The following BCKDHB variants were observed in gnomAD, a reference collection of about 807,000 sequenced individuals.
BCKDHB encodes 2-oxoisovalerate dehydrogenase subunit beta, mitochondrial.
In BCKDHB, 41 loss-of-function variants were observed where a neutral mutation model predicts 48.5. That is an observed-to-expected ratio of 0.85 (90% confidence interval 0.66 to 1.10). The LOEUF is 1.10. Ranked by LOEUF, BCKDHB falls within the 50% of genes least tolerant of loss-of-function variation. The pLI, the probability that BCKDHB is intolerant of heterozygous loss-of-function variation, is 0.00. For missense variants in BCKDHB, 496 were observed against 494.2 expected (o/e 1.00, Z -0.03); for synonymous variants, 201 against 174.8 (o/e 1.15, Z -1.18).
intron 8 of BCKDHB, among the ~76,000 whole-genome samples, chr6:80,228,286 A>G (rs1775764396): frequency 6.6e-6 from 1 of 152,218 alleles, no homozygotes; most frequent in Non-Finnish European, 1.5e-5. Flanking sequence ...TAAAACCAAA[A>G]AACTCCAGTG....
the BCKDHB span, among the ~76,000 whole-genome samples, chr6:80,394,600 G>A: frequency 6.6e-6 from 1 of 152,150 alleles, no homozygotes; most frequent in South Asian, 2.1e-4. Flanking sequence ...TGGGAACTCT[G>A]TGTGTGGTGT....
At chr6:80,342,362 G>A (rs1328472182) in intron 9 of BCKDHB, among the ~76,000 whole-genome samples, 4 of 151,916 alleles carry the variant, frequency 2.6e-5, no homozygotes, top group Non-Finnish European at 5.9e-5. Flanking sequence ...AATGTTAAAA[G>A]TAATATTATT....
intron 9 of BCKDHB, among the ~76,000 whole-genome samples, chr6:80,274,889 G>A (rs1478277421): frequency 6.6e-6 from 1 of 151,706 alleles, no homozygotes; most frequent in African/African-American, 2.4e-5. Context: ...TGTCTCTCAG[G>A]CCCCAAGAAT....
the BCKDHB span, among the ~76,000 whole-genome samples, chr6:80,402,808 A>AT: frequency 1.3e-5 from 2 of 151,742 alleles, no homozygotes; most frequent in Non-Finnish European, 3.0e-5. Flanking sequence ...ATTCAATTTT[A>AT]TTTTTTTGCA....
chr6:80,342,456 C>T (rs1335055895), intron 9 of BCKDHB, among the ~76,000 whole-genome samples: 1 of 148,858 alleles, frequency 6.7e-6, no homozygotes, highest in Non-Finnish European at 1.5e-5. Flanking sequence ...CTTGGGGACT[C>T]ACACCTGTAA....
chr6:80,167,807 A>T lies in BCKDHB; in HGVS notation c.473A>T (p.Asp158Val). Residue 158 changes from aspartate (D) to valine (V), a missense_variant, in exon 4 of 10, where the codon GAT becomes GTT. Physicochemically the swap from Asp to Val is radical, Grantham distance 152. Coordinates refer to ENST00000320393, the MANE Select transcript of BCKDHB (RefSeq NM_183050.4). ...GCAGATTATATTTTCCCTGCATTTGATCAGGTAAGTGAATGAACATTTCTA... is the reference window on the plus strand; with the variant it reads ...GCAGATTATATTTTCCCTGCATTTGTTCAGGTAAGTGAATGAACATTTCTA... ...QFADYIFPAF[D>V]QIVNEAAKYR... The T allele has an allele frequency of 6.2e-7, 1 of 1,613,670 alleles. No individual in the cohort carries two copies. The highest frequency in any genetic ancestry group is 8.5e-7 in the Non-Finnish European group (1 of 1,179,772).
intron 9 of BCKDHB, among the ~76,000 whole-genome samples, chr6:80,284,144 G>T (rs375262346): frequency 2.6e-5 from 4 of 152,134 alleles, no homozygotes; most frequent in East Asian, 3.9e-4. Flanking sequence ...CTCAGTTTGT[G>T]TTTTGTTATG....
chr6:80,324,219 A>G (rs1275060743), intron 9 of BCKDHB, among the ~76,000 whole-genome samples: 2 of 152,200 alleles, frequency 1.3e-5, no homozygotes, highest in African/African-American at 4.8e-5. Flanking sequence ...CTGGTTATCC[A>G]TTACAATTTC....
At chr6:80,138,628 A>C (rs1771019363) in intron 3 of BCKDHB, among the ~76,000 whole-genome samples, 1 of 152,108 alleles carries the variant, frequency 6.6e-6, no homozygotes, top group Non-Finnish European at 1.5e-5. Context: ...TGAACTCATC[A>C]TTTTTTATGG....
the BCKDHB span, among the ~76,000 whole-genome samples, chr6:80,438,256 A>G: frequency 6.6e-6 from 1 of 152,218 alleles, no homozygotes; most frequent in East Asian, 1.9e-4. Context: ...TTTTGTTCTT[A>G]CTACATCCTA....
chr6:80,216,601 T>A (rs1252483969), intron 8 of BCKDHB, among the ~76,000 whole-genome samples: 1 of 152,216 alleles, frequency 6.6e-6, no homozygotes. Flanking sequence ...TTGTTTAAAC[T>A]GTTTGCTTTC....
the BCKDHB span, among the ~76,000 whole-genome samples, chr6:80,359,913 CTG>C: frequency 6.6e-6 from 1 of 152,056 alleles, no homozygotes; most frequent in Non-Finnish European, 1.5e-5. Flanking sequence ...AAATAGAAGA[CTG>C]TATATTTCTT....
chr6:80,264,425 A>G (rs1003501979), intron 8 of BCKDHB, among the ~76,000 whole-genome samples: 1 of 152,166 alleles, frequency 6.6e-6, no homozygotes, highest in African/African-American at 2.4e-5. Context: ...TTTATCTCCT[A>G]ATTACTGGCA....
chr6:80,133,255 A>C (rs1017395802), intron 3 of BCKDHB, among the ~76,000 whole-genome samples: 1 of 152,214 alleles, frequency 6.6e-6, no homozygotes, highest in East Asian at 1.9e-4. Flanking sequence ...TTACTGACAT[A>C]CGTTGTAAAG....
At chr6:80,121,878 C>T (rs1254554430) in intron 1 of BCKDHB, among the ~76,000 whole-genome samples, 1 of 152,176 alleles carries the variant, frequency 6.6e-6, no homozygotes, top group Non-Finnish European at 1.5e-5. Context: ...GCTAGAACTT[C>T]CAACACTATG....
At chr6:80,219,247 A>T (rs986892360) in intron 8 of BCKDHB, among the ~76,000 whole-genome samples, 6 of 149,418 alleles carry the variant, frequency 4.0e-5, no homozygotes, top group African/African-American at 1.5e-4. Flanking sequence ...TGCTCTTGTC[A>T]CGCAGGCTGG....
chr6:80,191,446 C>T (rs533884753), intron 6 of BCKDHB, among the ~76,000 whole-genome samples: 33 of 152,056 alleles, frequency 2.2e-4, no homozygotes, highest in Admixed American at 1.9e-3. Flanking sequence ...CTTACATTAC[C>T]AAAAGCATGA....
At chr6:80,458,911 A>G in the BCKDHB span, among the ~76,000 whole-genome samples, 8 of 152,274 alleles carry the variant, frequency 5.3e-5, no homozygotes, top group Non-Finnish European at 8.8e-5. Flanking sequence ...AATGCAAATT[A>G]TAATTATAAT....
intron 8 of BCKDHB, among the ~76,000 whole-genome samples, chr6:80,227,945 G>C (rs1312816625): frequency 1.3e-5 from 2 of 152,158 alleles, no homozygotes; most frequent in Non-Finnish European, 2.9e-5. Context: ...ATGAAAGAGT[G>C]GTTGCTTTTT....
Sources: allele counts gnomAD v4.1 joint callset (sites outside exome capture counted in the v4.1 genomes callset), GRCh38; gene constraint gnomAD v4.1.1; transcripts MANE v1.5; gene names NCBI Gene and HGNC (gene_info 2026-07-23, HGNC 2026-07-21).